Variants in CDH18 observed in about 807,000 individuals in gnomAD.
CDH18 encodes the protein cadherin-18.
A neutral mutation model predicts 67.9 loss-of-function variants in CDH18; 31 were observed. That is an observed-to-expected ratio of 0.46 (90% CI 0.34 to 0.62). The LOEUF (loss-of-function observed/expected upper bound fraction) is 0.62. CDH18 is among the 20% of genes least tolerant of loss of function. CDH18 has a pLI of 0.01. For synonymous variants in CDH18, 362 were observed against 347.2 expected (o/e 1.04, Z -0.48); for missense variants, 890 against 975.5 (o/e 0.91, Z 1.17).
chr5:19,486,316 A>AAT lies in CDH18; in HGVS notation c.1631-2766_1631-2765dup, dbSNP rs534156493. Among the ~76,000 whole-genome samples, 444 of 150,738 alleles carry AAT rather than the reference A, an allele frequency of 2.9e-3. 1 individual carries two copies. Among genetic ancestry groups the AAT allele is most frequent in the Non-Finnish European group, 5.2e-3 (355 of 67,716 alleles). ...ATTATATAGATATGTATTATATAGA[A>AAT]ATATATATATACACACATACATATA... On this transcript the variant is annotated intron_variant, in intron 11 of 12. Transcript: ENST00000382275.
chr5:19,626,569 G>T (rs2150161603), intron 5 of CDH18, among the ~76,000 whole-genome samples: 1 of 152,120 alleles, frequency 6.6e-6, no homozygotes, highest in East Asian at 1.9e-4. Context: ...TTTATTCTGA[G>T]AACTATAAAC....
intron 1 of CDH18, among the ~76,000 whole-genome samples, chr5:20,325,884 C>T (rs556128113): frequency 6.6e-6 from 1 of 152,298 alleles, no homozygotes; most frequent in East Asian, 1.9e-4. Flanking sequence ...ATAGGACTCT[C>T]AGCAGCATTC....
At chr5:20,263,084 T>G (rs1273708765) in intron 1 of CDH18, among the ~76,000 whole-genome samples, 2 of 150,312 alleles carry the variant, frequency 1.3e-5, no homozygotes, top group Non-Finnish European at 2.9e-5. Flanking sequence ...GGTCAATTTC[T>G]CCTTGATAAA....
chr5:20,013,384 T>C (rs1737623982), intron 2 of CDH18, among the ~76,000 whole-genome samples: 1 of 152,122 alleles, frequency 6.6e-6, no homozygotes, highest in Non-Finnish European at 1.5e-5. Context: ...GTTATATTGA[T>C]GTACTGATAG....
intron 6 of CDH18, among the ~76,000 whole-genome samples, chr5:19,592,497 C>G (rs1009565799): frequency 6.6e-6 from 1 of 151,690 alleles, no homozygotes; most frequent in African/African-American, 2.4e-5. Flanking sequence ...TAATTTCTAC[C>G]AAGATTAAAT....
chr5:20,554,422 C>T (rs1432435063), intron 1 of CDH18, among the ~76,000 whole-genome samples: 1 of 152,184 alleles, frequency 6.6e-6, no homozygotes, highest in Non-Finnish European at 1.5e-5. Flanking sequence ...AATTGTTACA[C>T]TTTTTCTCTA....
intron 1 of CDH18, among the ~76,000 whole-genome samples, chr5:20,321,830 C>G (rs912600478): frequency 7.9e-5 from 12 of 152,148 alleles, no homozygotes; most frequent in East Asian, 3.9e-4. Context: ...TTTTAAAGCC[C>G]CAAAGATAAT....
At chr5:19,947,585 C>CAAAAAA (rs35601486) in intron 2 of CDH18, among the ~76,000 whole-genome samples, 26 of 53,314 alleles carry the variant, frequency 4.9e-4, no homozygotes, top group Non-Finnish European at 6.1e-4. Flanking sequence ...TACTAAAATA[C>CAAAAAA]AAAAAAAAAA....
At chr5:19,544,378 CA>C (rs1301412237) in intron 8 of CDH18, among the ~76,000 whole-genome samples, 5 of 151,254 alleles carry the variant, frequency 3.3e-5, no homozygotes, top group African/African-American at 1.2e-4. Context: ...TGTTATTATT[CA>C]AAAAAAATTA....
chr5:19,544,341 T>A (rs997315225), intron 8 of CDH18, among the ~76,000 whole-genome samples: 4 of 151,916 alleles, frequency 2.6e-5, no homozygotes, highest in Admixed American at 2.6e-4. Flanking sequence ...TGAAAAAAAA[T>A]ATTAAACCTA....
chr5:19,942,108 G>A (rs1794884925), intron 2 of CDH18, among the ~76,000 whole-genome samples: 1 of 152,104 alleles, frequency 6.6e-6, no homozygotes, highest in Non-Finnish European at 1.5e-5. Flanking sequence ...TAATGGTTCA[G>A]GGTCAAGAAG....
intron 1 of CDH18, among the ~76,000 whole-genome samples, chr5:20,547,866 C>T (rs1167042808): frequency 6.6e-6 from 1 of 151,918 alleles, no homozygotes; most frequent in African/African-American, 2.4e-5. Flanking sequence ...ATCCCAGATA[C>T]TTTTATTAGT....
At chr5:19,973,267 G>T (rs1052195136) in intron 2 of CDH18, among the ~76,000 whole-genome samples, 19 of 152,106 alleles carry the variant, frequency 1.2e-4, no homozygotes, top group Non-Finnish European at 2.4e-4. Flanking sequence ...TAGAAGTGAG[G>T]ATAAAAAGGT....
chr5:19,960,585 G>A (rs1335865847), intron 2 of CDH18, among the ~76,000 whole-genome samples: 9,403 of 127,784 alleles, frequency 0.074, 1,404 homozygotes, highest in African/African-American at 0.3. Context: ...GTGTGTGTGT[G>A]TGTGTATATA....
chr5:19,548,777 T>A (rs1372372272), intron 8 of CDH18, among the ~76,000 whole-genome samples: 2 of 149,236 alleles, frequency 1.3e-5, no homozygotes, highest in Non-Finnish European at 3.0e-5. Flanking sequence ...TTTTATGAAG[T>A]GTCGCTCTTG....
chr5:20,504,122 T>A (rs1177500983), intron 1 of CDH18, among the ~76,000 whole-genome samples: 2 of 152,086 alleles, frequency 1.3e-5, no homozygotes, highest in African/African-American at 4.8e-5. Context: ...GTCATAATAA[T>A]GAAATCCTCA....
Position 19,849,376 on chromosome 5 carries a change from T to TA in CDH18, c.-256-10135dup, listed in dbSNP as rs1163842642. On this transcript the variant is annotated intron_variant, in intron 2 of 12. Coordinates refer to ENST00000382275, the MANE Select transcript of CDH18 (RefSeq NM_004934.5). ...TAGTAGAGGATCAGGAGGCTATAAA[T>TA]AAAAAGAAGAAATGTGCAGTGAATG... Among the ~76,000 whole-genome samples the TA allele has an allele frequency of 2.0e-5, 3 of 151,628 alleles. No homozygotes were observed. The East Asian group carries it at 5.8e-4, about 29-fold the overall frequency.
At chr5:19,589,517 T>A (rs892753168) in intron 7 of CDH18, among the ~76,000 whole-genome samples, 2 of 152,068 alleles carry the variant, frequency 1.3e-5, no homozygotes, top group African/African-American at 4.8e-5. Context: ...CCTCATCCAT[T>A]AATTACTCTA....
At chr5:20,179,195 C>T (rs1737486839) in intron 2 of CDH18, among the ~76,000 whole-genome samples, 1 of 152,074 alleles carries the variant, frequency 6.6e-6, no homozygotes, top group South Asian at 2.1e-4. Flanking sequence ...ATTTACTGAG[C>T]ACATACTAAA....
Sources: gnomAD v4.1 joint callset for allele counts (sites outside exome capture counted in the v4.1 genomes callset) on GRCh38, gnomAD v4.1.1 for gene constraint, MANE v1.5 for transcripts, NCBI Gene and HGNC (gene_info 2026-07-23, HGNC 2026-07-21) for gene names.